The following CSMD1 variants were observed in gnomAD, a reference collection of about 807,000 sequenced individuals.
The protein encoded by CSMD1 is CUB and Sushi multiple domains 1.
In CSMD1, 213 loss-of-function variants were observed where a neutral mutation model predicts 417.5. The ratio of observed to expected loss-of-function variants is 0.51; its 90% CI spans 0.46 to 0.57. The LOEUF (loss-of-function observed/expected upper bound fraction) is 0.57. CSMD1 is among the 20% of genes least tolerant of loss of function. The pLI, the probability that CSMD1 is intolerant of heterozygous loss-of-function variation, is 0.00. For missense variants in CSMD1, 6,923 were observed against 4,529.7 expected (o/e 1.53, Z -15.17); for synonymous variants, 2,862 against 1,736.8 (o/e 1.65, Z -16.11).
At chr8:4,455,296 T>G (rs1463367102) in intron 2 of CSMD1, among the ~76,000 whole-genome samples, 1 of 152,178 alleles carries the variant, frequency 6.6e-6, no homozygotes, top group Non-Finnish European at 1.5e-5. Flanking sequence ...GATGGATTCT[T>G]GCATCCATTA....
chr8:3,145,552 T>G (rs1255885897), intron 40 of CSMD1, among the ~76,000 whole-genome samples: 1 of 152,178 alleles, frequency 6.6e-6, no homozygotes, highest in Non-Finnish European at 1.5e-5. Flanking sequence ...TATAATATTG[T>G]GAGCAAAATT....
chr8:4,363,397 A>T (rs188302382), intron 3 of CSMD1, among the ~76,000 whole-genome samples: 1 of 152,186 alleles, frequency 6.6e-6, no homozygotes, highest in African/African-American at 2.4e-5. Flanking sequence ...AAGAGGGATA[A>T]AAAAATGTTC....
chr8:4,828,512 T>TA (rs1202551140), intron 1 of CSMD1, among the ~76,000 whole-genome samples: 1 of 152,112 alleles, frequency 6.6e-6, no homozygotes, highest in Non-Finnish European at 1.5e-5. Flanking sequence ...CGAAAGCACC[T>TA]ATTGGTCCTT....
chr8:4,290,157 C>T (rs1272559532), intron 3 of CSMD1, among the ~76,000 whole-genome samples: 2 of 152,132 alleles, frequency 1.3e-5, no homozygotes, highest in African/African-American at 4.8e-5. Flanking sequence ...AAATGCTTCC[C>T]AGGTAAAGCA....
chr8:4,542,682 G>C (rs1029997064), intron 2 of CSMD1, among the ~76,000 whole-genome samples: 2 of 152,108 alleles, frequency 1.3e-5, no homozygotes, highest in Non-Finnish European at 2.9e-5. Context: ...TTATGCGGCA[G>C]AAGATAGTTT....
chr8:4,700,397 G>A (rs1040589935), intron 1 of CSMD1, among the ~76,000 whole-genome samples: 1 of 151,816 alleles, frequency 6.6e-6, no homozygotes. Context: ...GCTATACTTT[G>A]CTTTTACAAG....
chr8:3,050,049 T>G (rs1478717621), intron 50 of CSMD1, among the ~76,000 whole-genome samples: 2 of 151,738 alleles, frequency 1.3e-5, no homozygotes, highest in African/African-American at 2.4e-5. Context: ...TTAAAGTGGG[T>G]TTTCCTTTAA....
chr8:4,549,830 G>C (rs1410889932), intron 2 of CSMD1, among the ~76,000 whole-genome samples: 1 of 139,894 alleles, frequency 7.1e-6, no homozygotes, highest in African/African-American at 2.6e-5. Flanking sequence ...CCAGGAGGCA[G>C]AGGTTGCAAT....
intron 37 of CSMD1, 103 bp downstream of exon 37, chr8:3,181,007 A>C (rs1386338256): frequency 1.9e-5 from 14 of 752,676 alleles, no homozygotes; most frequent in African/African-American, 3.5e-5. Context: ...ACAGTTTTAG[A>C]AAAATAATAT....
At chr8:4,034,202 G>C (rs1034450355) in intron 3 of CSMD1, among the ~76,000 whole-genome samples, 4 of 151,978 alleles carry the variant, frequency 2.6e-5, no homozygotes, top group African/African-American at 9.7e-5. Context: ...ATTTCTAAAA[G>C]TATTTTTATT....
chr8:3,399,553 A>T (rs1159316811), intron 15 of CSMD1, 24 bp from the exon 16 acceptor site: 3 of 1,544,828 alleles, frequency 1.9e-6, no homozygotes, highest in African/African-American at 2.8e-5. Flanking sequence ...TAGAATATCT[A>T]TTAGATCCAA....
At position 4,922,392 on chromosome 8, in the gene CSMD1, C is replaced by T. The variant is rs7818770; in HGVS notation, c.85+71940G>A. Among the ~76,000 whole-genome samples, 328 of 152,200 alleles carry T rather than the reference C, an allele frequency of 2.2e-3. 1 individual carries two copies. The highest frequency in any genetic ancestry group is 7.5e-3 in the African/African-American group (310 of 41,528). On this transcript the variant is annotated intron_variant, in intron 1 of 69. Coordinates refer to ENST00000635120, the MANE Select transcript of CSMD1 (RefSeq NM_033225.6). Reference sequence around the variant, plus strand: ...TATATAGCACAATATTTTACAAAATCCTGTTTTACTTGAGAAAAATTAGAA... The same window carrying T: ...TATATAGCACAATATTTTACAAAATTCTGTTTTACTTGAGAAAAATTAGAA...
intron 4 of CSMD1, among the ~76,000 whole-genome samples, chr8:4,022,057 A>G (rs906577203): frequency 9.8e-4 from 148 of 151,136 alleles, no homozygotes; most frequent in African/African-American, 3.3e-3. Context: ...TCTTTAATAT[A>G]CAGATGAATA....
At chr8:4,290,270 A>G (rs932386412) in intron 3 of CSMD1, among the ~76,000 whole-genome samples, 1 of 152,188 alleles carries the variant, frequency 6.6e-6, no homozygotes. Context: ...TTGTTAGAAG[A>G]AAAGCATGGT....
intron 1 of CSMD1, among the ~76,000 whole-genome samples, chr8:4,792,943 T>C (rs180832911): frequency 1.4e-3 from 210 of 150,356 alleles, no homozygotes; most frequent in Non-Finnish European, 2.4e-3. Flanking sequence ...GGATGCAAAT[T>C]ATATATGTAT....
chr8:4,545,065 CAT>C lies in CSMD1; in HGVS notation c.302+92275_302+92276del, dbSNP rs199832131. Among the ~76,000 whole-genome samples, 675 of 152,288 alleles carry C rather than the reference CAT, an allele frequency of 4.4e-3. 8 individuals carry two copies. The highest frequency in any genetic ancestry group is 0.037 in the Middle Eastern group (11 of 294). ...TAAACAATATACGTGTGTGTGCACA[CAT>C]ATGTGTGTATGATGTATATAAAAGG... is the stretch of plus-strand genomic sequence containing the variant. On this transcript the variant is annotated intron_variant, in intron 2 of 69. Coordinates refer to ENST00000635120, the MANE Select transcript of CSMD1 (RefSeq NM_033225.6).
chr8:4,973,963 C>G (rs1375922520), intron 1 of CSMD1, among the ~76,000 whole-genome samples: 1 of 152,152 alleles, frequency 6.6e-6, no homozygotes, highest in Non-Finnish European at 1.5e-5. Context: ...AGCTAAGTCA[C>G]TTAATAACAA....
chr8:3,664,497 T>C (rs772358544), intron 7 of CSMD1, among the ~76,000 whole-genome samples: 15 of 152,210 alleles, frequency 9.9e-5, no homozygotes, highest in Admixed American at 2.0e-4. Context: ...GCATAGAATA[T>C]GTAAAATATC....
intron 5 of CSMD1, among the ~76,000 whole-genome samples, chr8:3,928,044 T>G (rs1349136355): frequency 6.6e-6 from 1 of 152,122 alleles, no homozygotes. Flanking sequence ...TAGCATCAAT[T>G]TTTTTCTTAA....
Sources: gnomAD v4.1 joint callset for allele counts (sites outside exome capture counted in the v4.1 genomes callset) on GRCh38, gnomAD v4.1.1 for gene constraint, MANE v1.5 for transcripts, NCBI Gene and HGNC (gene_info 2026-07-23, HGNC 2026-07-21) for gene names.